Variants in TSNARE1 observed in about 807,000 individuals in gnomAD.
TSNARE1 encodes the protein t-SNARE domain-containing protein 1.
In TSNARE1, 49 loss-of-function variants were observed where a neutral mutation model predicts 62.0. That is an observed-to-expected ratio of 0.79 (90% confidence interval 0.63 to 1.00). The LOEUF (loss-of-function observed/expected upper bound fraction) is 1.00. Among genes scored for constraint, TSNARE1 ranks in the 50% least tolerant of loss-of-function variants. The pLI, the probability that TSNARE1 is intolerant of heterozygous loss-of-function variation, is 0.00. For synonymous variants in TSNARE1, 328 were observed against 294.4 expected (o/e 1.11, Z -1.17); for missense variants, 755 against 700.1 (o/e 1.08, Z -0.88).
In TSNARE1 at chr8:142,317,156, T is replaced by C. The variant is rs774740685; in HGVS notation, c.984+1388A>G. On this transcript the variant is annotated intron_variant, in intron 7 of 13. Transcript: ENST00000524325. ...TCACACTGTACGCATGAAGCGGGTA[T>C]GGCCAGCGGCTCACACTGTACGCAT... 8.9e-4 allele frequency among the ~76,000 whole-genome samples: 132 copies of C among 149,138 alleles called. 3 individuals carry two copies. The highest frequency in any genetic ancestry group is 1.2e-3 in the African/African-American group (49 of 40,302).
chr8:142,288,365 C>T (rs779210267), intron 10 of TSNARE1, among the ~76,000 whole-genome samples: 4 of 152,228 alleles, frequency 2.6e-5, no homozygotes, highest in Non-Finnish European at 4.4e-5. Flanking sequence ...GGCTGGGACA[C>T]GGTGTTCCCA....
In TSNARE1 at chr8:142,227,109, A is replaced by C. The variant is rs535007860; in HGVS notation, c.*11+2364T>G. Among the ~76,000 whole-genome samples, 155 of 127,222 alleles carry C rather than the reference A, an allele frequency of 1.2e-3. 1 individual carries two copies. The highest frequency in any genetic ancestry group is 4.6e-3 in the African/African-American group (147 of 31,636). The allele number at this position is 127,222 out of a possible 152,430, so 83.5% of individuals were successfully genotyped here. On this transcript the variant is annotated intron_variant, in intron 13 of 13. Transcript: ENST00000524325. ...GCCAGGAACCCCACTGCACCCACAC[A>C]ATAGTGACAGCCAGAACCCCCACTG...
intron 12 of TSNARE1, chr8:142,270,522 A>G: frequency 8.3e-6 from 8 of 961,986 alleles, no homozygotes; most frequent in South Asian, 4.9e-5. Context: ...TTATAACAGA[A>G]AATTGGATAG....
At chr8:142,259,898 G>A (rs1818772051) in intron 12 of TSNARE1, among the ~76,000 whole-genome samples, 2 of 152,302 alleles carry the variant, frequency 1.3e-5, no homozygotes, top group Middle Eastern at 3.4e-3. Context: ...CCTGAAGGCT[G>A]TTGTGGCGAG....
intron 1 of TSNARE1, among the ~76,000 whole-genome samples, chr8:142,388,769 GCTGGTCTCAAACTC>G (rs969462326): frequency 7.9e-5 from 12 of 151,974 alleles, no homozygotes; most frequent in Non-Finnish European, 1.8e-4. Flanking sequence ...TGTTGGCCAG[GCTGGTCTCAAACTC>G]CTGGTCTCAA....
chr8:142,332,494 G>GA (rs1395575687), intron 4 of TSNARE1, among the ~76,000 whole-genome samples: 2 of 152,160 alleles, frequency 1.3e-5, no homozygotes, highest in Non-Finnish European at 2.9e-5. Context: ...ATAGAATGCT[G>GA]AATATTCTAA....
intron 12 of TSNARE1, among the ~76,000 whole-genome samples, chr8:142,255,289 TCAC>T (rs1010109545): frequency 2.6e-5 from 4 of 151,494 alleles, no homozygotes; most frequent in African/African-American, 7.3e-5. Flanking sequence ...TCACCAAGTG[TCAC>T]CACCACCACC....
chr8:142,246,802 A>G (rs1817904048), intron 12 of TSNARE1, among the ~76,000 whole-genome samples: 1 of 152,200 alleles, frequency 6.6e-6, no homozygotes, highest in Non-Finnish European at 1.5e-5. Context: ...CTGAGTGGCC[A>G]GACACACTCC....
intron 12 of TSNARE1, among the ~76,000 whole-genome samples, chr8:142,248,043 C>T (rs940687969): frequency 6.6e-6 from 1 of 152,208 alleles, no homozygotes; most frequent in African/African-American, 2.4e-5. Context: ...GTGTTACCAC[C>T]GTGACGGTAT....
chr8:142,346,734 A>G (rs1156765743), intron 2 of TSNARE1, among the ~76,000 whole-genome samples: 1 of 152,188 alleles, frequency 6.6e-6, no homozygotes, highest in Non-Finnish European at 1.5e-5. Context: ...CTCCAGGGCC[A>G]GGTCGGCACA....
chr8:142,324,852 C>T (rs973446068), intron 6 of TSNARE1, among the ~76,000 whole-genome samples: 5 of 152,254 alleles, frequency 3.3e-5, no homozygotes, highest in Admixed American at 2.6e-4. Flanking sequence ...TCGGCGCTCC[C>T]GCCCCTCTGT....
chr8:142,289,605 G>A (rs533187054), intron 10 of TSNARE1, among the ~76,000 whole-genome samples: 1 of 152,264 alleles, frequency 6.6e-6, no homozygotes, highest in South Asian at 2.1e-4. Flanking sequence ...GGTGCACCCT[G>A]GCCCTGAGGC....
intron 12 of TSNARE1, among the ~76,000 whole-genome samples, chr8:142,256,378 A>T (rs1334961311): frequency 4.1e-3 from 1 of 244 alleles, no homozygotes; most frequent in Non-Finnish European, 7.5e-3. Flanking sequence ...CATCACCACC[A>T]TCATCATCAC....
chr8:142,327,572 T>C (rs1189349106), intron 6 of TSNARE1, among the ~76,000 whole-genome samples: 26 of 152,160 alleles, frequency 1.7e-4, no homozygotes, highest in Non-Finnish European at 4.4e-5. Context: ...CATCGGGCAC[T>C]CCGGGAGGTC....
chr8:142,394,588 G>A (rs1837769565), intron 1 of TSNARE1, among the ~76,000 whole-genome samples: 1 of 152,212 alleles, frequency 6.6e-6, no homozygotes, highest in South Asian at 2.1e-4. Context: ...GGGAATGACA[G>A]GCCACAGTTT....
intron 7 of TSNARE1, among the ~76,000 whole-genome samples, chr8:142,317,322 G>A (rs13252072): frequency 0.16 from 16,227 of 98,712 alleles, 3,583 homozygotes; most frequent in East Asian, 0.3. Flanking sequence ...CACACTGTAC[G>A]TGTGAAGCGG....
intron 4 of TSNARE1, among the ~76,000 whole-genome samples, chr8:142,336,760 T>TA (rs1324961160): frequency 6.6e-6 from 1 of 152,218 alleles, no homozygotes; most frequent in Non-Finnish European, 1.5e-5. Flanking sequence ...AGACAGACTC[T>TA]ATTTTAGGCC....
intron 1 of TSNARE1, among the ~76,000 whole-genome samples, chr8:142,402,517 G>A (rs7011076): frequency 0.27 from 41,131 of 152,208 alleles, 7,158 homozygotes; most frequent in African/African-American, 0.49. Context: ...TGCGGGGGCA[G>A]CACAGATCAA....
At chr8:142,338,090 G>A (rs866204982) in intron 4 of TSNARE1, among the ~76,000 whole-genome samples, 1 of 152,122 alleles carries the variant, frequency 6.6e-6, no homozygotes, top group African/African-American at 2.4e-5. Flanking sequence ...AAAACAAAAC[G>A]AAACGTCAGC....
Sources: gnomAD v4.1 joint callset for allele counts (sites outside exome capture counted in the v4.1 genomes callset) on GRCh38, gnomAD v4.1.1 for gene constraint, MANE v1.5 for transcripts, NCBI Gene and HGNC (gene_info 2026-07-23, HGNC 2026-07-21) for gene names.